Variants in TPD52 observed in about 807,000 individuals in gnomAD.
TPD52 encodes the protein prostate and colon associated protein.
A neutral mutation model predicts 31.3 loss-of-function variants in TPD52; 17 were observed. The ratio of observed to expected loss-of-function variants is 0.54; its 90% CI spans 0.37 to 0.82. The LOEUF (loss-of-function observed/expected upper bound fraction) is 0.82, where lower values mean the gene tolerates loss of function less well. Ranked by LOEUF, TPD52 falls within the 40% of genes least tolerant of loss-of-function variation. The pLI, the probability that TPD52 is intolerant of heterozygous loss-of-function variation, is 0.00. For missense variants in TPD52, 212 were observed against 240.1 expected (o/e 0.88, Z 0.77); for synonymous variants, 83 against 89.6 (o/e 0.93, Z 0.42).
At chr8:80,047,292 A>T (rs531944578) in intron 5 of TPD52, among the ~76,000 whole-genome samples, 1 of 152,268 alleles carries the variant, frequency 6.6e-6, no homozygotes. Flanking sequence ...TGTAATATCA[A>T]AAACAATAGC....
At chr8:80,092,526 T>C (rs1449453248) in intron 1 of TPD52, among the ~76,000 whole-genome samples, 1 of 152,210 alleles carries the variant, frequency 6.6e-6, no homozygotes, top group Non-Finnish European at 1.5e-5. Context: ...AATCAACCTA[T>C]ATTCATTAAT....
At position 80,100,141 on chromosome 8, in the gene TPD52, C is replaced by T. The variant is rs115718678; in HGVS notation, c.20-35548G>A. The stretch of plus-strand genomic sequence containing the variant: ...GAGGATTTGATTTAGAAAGATAATC[C>T]TCTGGGGAAATCTCGCCTCCAAATT... On this transcript the variant is annotated intron_variant, in intron 1 of 7. Transcript: ENST00000518937. 1.9e-3 allele frequency among the ~76,000 whole-genome samples: 289 copies of T among 152,244 alleles called. 3 individuals are homozygous for T. The highest frequency in any genetic ancestry group is 6.3e-3 in the African/African-American group (262 of 41,540).
intron 1 of TPD52, among the ~76,000 whole-genome samples, chr8:80,070,950 T>C (rs1181619625): frequency 1.3e-5 from 2 of 152,150 alleles, no homozygotes; most frequent in East Asian, 1.9e-4. Context: ...ATGGTTCATG[T>C]CCTTATAAGA....
At chr8:80,084,176 G>T (rs1345801892) in intron 1 of TPD52, among the ~76,000 whole-genome samples, 1 of 152,098 alleles carries the variant, frequency 6.6e-6, no homozygotes, top group Non-Finnish European at 1.5e-5. Context: ...CTGCTATCTT[G>T]TCAATTTTGC....
chr8:80,127,156 T>A (rs1808676509), intron 1 of TPD52, among the ~76,000 whole-genome samples: 1 of 151,970 alleles, frequency 6.6e-6, no homozygotes, highest in African/African-American at 2.4e-5. Context: ...AGAAATTTTG[T>A]ACAAAAGAAA....
chr8:80,138,249 C>A (rs9650268), intron 1 of TPD52, among the ~76,000 whole-genome samples: 19,381 of 152,112 alleles, frequency 0.13, 1,621 homozygotes, highest in African/African-American at 0.23. Flanking sequence ...GACCATGAGA[C>A]CCTGTCTCTA....
chr8:80,053,701 A>G (rs1245838732), intron 2 of TPD52, among the ~76,000 whole-genome samples: 1 of 152,034 alleles, frequency 6.6e-6, no homozygotes, highest in Non-Finnish European at 1.5e-5. Flanking sequence ...TTCCTTACTC[A>G]GCTATCTCAT....
intron 1 of TPD52, among the ~76,000 whole-genome samples, chr8:80,074,683 G>A (rs2130783451): frequency 6.6e-6 from 1 of 152,354 alleles, no homozygotes; most frequent in Middle Eastern, 3.4e-3. Flanking sequence ...GGGCAAAACT[G>A]TGGTTGAGAA....
intron 1 of TPD52, among the ~76,000 whole-genome samples, chr8:80,105,591 C>T (rs1044132135): frequency 2.0e-5 from 3 of 152,144 alleles, no homozygotes; most frequent in South Asian, 2.1e-4. Flanking sequence ...TGCTCTCAGC[C>T]GAATAAAGCC....
chr8:80,171,403 C>G (rs1471022990), intron 1 of TPD52, 22 bp downstream of exon 1: 2 of 1,596,254 alleles, frequency 1.3e-6, no homozygotes, highest in African/African-American at 2.7e-5. Flanking sequence ...CGAGCCCAAG[C>G]CCGCTGGGTC....
At chr8:80,152,961 T>C (rs1810688496) in intron 1 of TPD52, among the ~76,000 whole-genome samples, 1 of 152,002 alleles carries the variant, frequency 6.6e-6, no homozygotes, top group Non-Finnish European at 1.5e-5. Flanking sequence ...CACAAAAACA[T>C]TTGTGAATAA....
At chr8:80,050,932 G>T (rs574253482) in intron 4 of TPD52, among the ~76,000 whole-genome samples, 3 of 151,728 alleles carry the variant, frequency 2.0e-5, no homozygotes, top group African/African-American at 7.3e-5. Flanking sequence ...ATGAGTGAAG[G>T]GGGGGCACAA....
chr8:80,079,295 GC>G (rs1814963701), intron 1 of TPD52, among the ~76,000 whole-genome samples: 1 of 152,088 alleles, frequency 6.6e-6, no homozygotes, highest in South Asian at 2.1e-4. Context: ...GCTGCCTCCT[GC>G]CCCCAACTTC....
chr8:80,054,329 A>G (rs1811652660), intron 2 of TPD52, among the ~76,000 whole-genome samples: 1 of 152,202 alleles, frequency 6.6e-6, no homozygotes, highest in African/African-American at 2.4e-5. Context: ...AGCTATGAAG[A>G]AAAGGAAAAA....
intron 6 of TPD52, 139 bp downstream of exon 6, chr8:80,044,028 G>A: frequency 1.5e-6 from 1 of 669,286 alleles, no homozygotes; most frequent in Non-Finnish European, 2.5e-6. Flanking sequence ...AAGTGTAGCT[G>A]AAAACTGATA....
intron 1 of TPD52, among the ~76,000 whole-genome samples, chr8:80,107,360 AAGAG>A (rs1343166771): frequency 1.3e-5 from 2 of 152,204 alleles, no homozygotes; most frequent in Non-Finnish European, 2.9e-5. Context: ...CCAAACAAGA[AAGAG>A]AGAGAGGAAA....
chr8:80,123,860 GA>G (rs1278202330), intron 1 of TPD52, among the ~76,000 whole-genome samples: 2 of 152,188 alleles, frequency 1.3e-5, no homozygotes, highest in Non-Finnish European at 2.9e-5. Flanking sequence ...TCAACATCTG[GA>G]AAGATTTGGA....
At chr8:80,168,080 A>G (rs1811835590) in intron 1 of TPD52, among the ~76,000 whole-genome samples, 1 of 152,258 alleles carries the variant, frequency 6.6e-6, no homozygotes, top group Admixed American at 6.5e-5. Context: ...CTTGAAAGGC[A>G]TGATGCAATT....
chr8:80,034,465 C>G (rs1021068506), downstream of TPD52, among the ~76,000 whole-genome samples: 1 of 152,174 alleles, frequency 6.6e-6, no homozygotes, highest in Non-Finnish European at 1.5e-5. Context: ...CTTGCAGCAG[C>G]TGCTCAAGGA....
Sources: allele counts gnomAD v4.1 joint callset (sites outside exome capture counted in the v4.1 genomes callset), GRCh38; gene constraint gnomAD v4.1.1; transcripts MANE v1.5; gene names NCBI Gene and HGNC (gene_info 2026-07-23, HGNC 2026-07-21).